The following NARF variants were observed in gnomAD, a reference collection of about 807,000 sequenced individuals.
NARF encodes the protein nuclear prelamin A recognition factor.
In NARF, 41 loss-of-function variants were observed where a neutral mutation model predicts 48.0. The ratio of observed to expected loss-of-function variants is 0.85; its 90% CI spans 0.66 to 1.11. NARF has a LOEUF of 1.11. Among genes scored for constraint, NARF ranks in the 50% least tolerant of loss-of-function variants. The pLI is 0.00. For missense variants in NARF, 613 were observed against 590.2 expected (o/e 1.04, Z -0.40); for synonymous variants, 215 against 225.5 (o/e 0.95, Z 0.42).
chr17:82,481,197 G>T lies in NARF; in HGVS notation c.755G>T (p.Cys252Phe), dbSNP rs201056742. Reference sequence around the variant, plus strand: ...TTGCATGGCTCCCGGGGCGCTGACTGCGTGTTAACATCAGGTGAGAGGTGG... The same window carrying T: ...TTGCATGGCTCCCGGGGCGCTGACTTCGTGTTAACATCAGGTGAGAGGTGG... Reference protein sequence around the residue: ...PALHGSRGADCVLTSGEIAQI... With the variant: ...PALHGSRGADFVLTSGEIAQI... The change falls in exon 7 of 11, where the codon TGC becomes TTC. Residue 252 changes from cysteine to phenylalanine, a missense_variant. Transcript: ENST00000309794. 1.2e-6 allele frequency: 2 copies of T among 1,614,018 alleles called. No individual in the cohort carries two copies. Among genetic ancestry groups the T allele is most frequent in the South Asian group, 2.2e-5 (2 of 91,078 alleles).
intron 1 of NARF, 63 bp downstream of exon 1, chr17:82,458,893 G>T: frequency 1.5e-6 from 2 of 1,301,886 alleles, no homozygotes; most frequent in Non-Finnish European, 2.0e-6. Context: ...CTGGGCGGCC[G>T]AGGTTGGCGG....
chr17:82,464,077 G>A, intron 2 of NARF: 1 of 547,022 alleles, frequency 1.8e-6, no homozygotes, highest in Admixed American at 3.5e-5. Flanking sequence ...GTGTCATTGT[G>A]GGCTGGGCCC....
At chr17:82,485,420 C>T (rs74405405) in intron 9 of NARF, 77 bp from the exon 10 acceptor site, 1 of 1,161,806 alleles carries the variant, frequency 8.6e-7, no homozygotes, top group Non-Finnish European at 1.2e-6. Flanking sequence ...GACTCCGTCT[C>T]AAAAAAAAAA....
intron 5 of NARF, among the ~76,000 whole-genome samples, chr17:82,474,018 T>C (rs1232218476): frequency 6.6e-6 from 1 of 151,702 alleles, no homozygotes; most frequent in Non-Finnish European, 1.5e-5. Flanking sequence ...ACCTCGTCTC[T>C]GCAAAAAAAA....
At chr17:82,471,645 A>G (rs1390079416) in intron 4 of NARF, among the ~76,000 whole-genome samples, 1 of 146,024 alleles carries the variant, frequency 6.8e-6, no homozygotes, top group African/African-American at 2.6e-5. Context: ...ACAAAAAATT[A>G]GCCGGGCGTG....
chr17:82,483,636 A>G, intron 7 of NARF, 80 bp from the exon 8 acceptor site: 1 of 1,347,750 alleles, frequency 7.4e-7, no homozygotes, highest in East Asian at 2.3e-5. Flanking sequence ...CAGGGTCACT[A>G]ATGTCAAATC....
chr17:82,474,668 C>T lies in NARF; in HGVS notation c.520+1970C>T, dbSNP rs1039323682. 9.1e-4 allele frequency among the ~76,000 whole-genome samples: 139 copies of T among 152,268 alleles called. 1 individual carries two copies. Among genetic ancestry groups the T allele is most frequent in the African/African-American group, 3.1e-3 (127 of 41,554 alleles). On this transcript the variant is annotated intron_variant, in intron 5 of 10. Transcript: ENST00000309794. The stretch of plus-strand genomic sequence containing the variant: ...GGCATTTTACATGTCAACCTTTAGT[C>T]ATTAGGATTATGAATTAATAAGATG...
intron 7 of NARF, chr17:82,482,327 G>C (rs192111077): frequency 6.2e-6 from 2 of 322,124 alleles, no homozygotes; most frequent in African/African-American, 6.6e-5. Flanking sequence ...TGTGGCAGGG[G>C]TGTTGAAGGA....
rs746737879 is a variant in NARF at position 82,464,276 on chromosome 17, A to G, written c.109-11A>G. On this transcript the variant is annotated splice_polypyrimidine_tract_variant and intron_variant, in intron 2 of 10. Transcript: ENST00000309794. ...TGTTGAATAATCATGCTGAAACGTC[A>G]TCTTTCATAGAAGGGAGAATTCCAC... 9 of 1,611,758 alleles carry G rather than the reference A, an allele frequency of 5.6e-6. No individual in the cohort carries two copies. In the Admixed American group the frequency reaches 8.4e-5, roughly 15 times the overall value.
At chr17:82,487,739 G>A (rs1338375904) in intron 10 of NARF, among the ~76,000 whole-genome samples, 177 bp from the exon 11 acceptor site, 1 of 152,192 alleles carries the variant, frequency 6.6e-6, no homozygotes, top group Non-Finnish European at 1.5e-5. Flanking sequence ...CTTGAAGCCA[G>A]GAGTTCAAGA....
chr17:82,484,614 G>T, intron 8 of NARF, 199 bp from the exon 9 acceptor site: 1 of 524,580 alleles, frequency 1.9e-6, no homozygotes, highest in South Asian at 3.3e-5. Flanking sequence ...CCTCCGCCTT[G>T]CCCGAGCATC....
At chr17:82,481,238 GGC>G (rs1335753274) in intron 7 of NARF, 27 bp downstream of exon 7, 2 of 1,612,174 alleles carry the variant, frequency 1.2e-6, no homozygotes, top group Non-Finnish European at 1.7e-6. Context: ...GGTGCACCTG[GGC>G]GCTGGGGTAA....
upstream of NARF, chr17:82,458,533 G>T (rs931916427): frequency 4.2e-5 from 17 of 405,552 alleles, no homozygotes; most frequent in African/African-American, 3.1e-4. Context: ...CCTGCGGTCC[G>T]CCCCGCGCGC....
chr17:82,479,068 G>T, intron 6 of NARF, 150 bp downstream of exon 6: 1 of 624,552 alleles, frequency 1.6e-6, no homozygotes, highest in East Asian at 2.9e-5. Flanking sequence ...AACATCAGCA[G>T]TGCTGTTTCT....
intron 2 of NARF, among the ~76,000 whole-genome samples, chr17:82,461,999 G>A (rs1353772253): frequency 2.0e-5 from 3 of 152,176 alleles, no homozygotes; most frequent in Admixed American, 6.5e-5. Flanking sequence ...CTGAGTGGCC[G>A]ACCCCAGGGG....
intron 9 of NARF, 43 bp from the exon 10 acceptor site, chr17:82,485,454 T>C (rs1304973215): frequency 6.3e-7 from 1 of 1,597,144 alleles, no homozygotes; most frequent in Non-Finnish European, 8.5e-7. Context: ...AAGTCACAGA[T>C]AAAGGACTTG....
Position 82,481,162 on chromosome 17 carries a change from TCC to T in NARF, c.724_725del (p.Pro242CysfsTer9). The T allele has an allele frequency of 1.9e-6, 3 of 1,613,976 alleles. No individual in the cohort carries two copies. Among genetic ancestry groups the T allele is most frequent in the Non-Finnish European group, 2.5e-6 (3 of 1,179,978 alleles). ...KKLEALQESL[P>X]PALHGSRGAD... ...AGCTGGAGGCTCTTCAGGAAAGCCT[TCC>T]CCCTGCTTTGCATGGCTCCCGGGGC... On this transcript the variant is annotated frameshift_variant, in exon 7 of 11. Coordinates refer to ENST00000309794, the MANE Select transcript of NARF (RefSeq NM_012336.4). LOFTEE classifies it high-confidence loss of function.
chr17:82,481,898 A>G, intron 7 of NARF: 1 of 328,698 alleles, frequency 3.0e-6, no homozygotes, highest in South Asian at 2.3e-5. Context: ...TTAAAACACA[A>G]GTGAAGTTTT....
intron 4 of NARF, among the ~76,000 whole-genome samples, chr17:82,471,838 A>G (rs1373606859): frequency 2.6e-5 from 4 of 151,014 alleles, no homozygotes; most frequent in Non-Finnish European, 5.9e-5. Context: ...CTTTTACTGT[A>G]CGTTCTACTT....
Sources: gnomAD v4.1 joint callset for allele counts (sites outside exome capture counted in the v4.1 genomes callset) on GRCh38, gnomAD v4.1.1 for gene constraint, MANE v1.5 for transcripts, NCBI Gene and HGNC (gene_info 2026-07-23, HGNC 2026-07-21) for gene names.